Variants in NPHP4 observed in about 807,000 individuals in gnomAD.
The protein encoded by NPHP4 is nephrocystin 4.
Under a neutral mutation model 155.8 loss-of-function variants are expected in NPHP4, and 151 were observed. That is an observed-to-expected ratio of 0.97 (90% CI 0.85 to 1.11). The LOEUF (loss-of-function observed/expected upper bound fraction) is 1.11. NPHP4 is among the 50% of genes least tolerant of loss of function. NPHP4 has a pLI of 0.00. For synonymous variants in NPHP4, 845 were observed against 816.8 expected, an observed-to-expected ratio of 1.03 and a Z score of -0.59; for missense variants, 1,956 against 1,925.7, an observed-to-expected ratio of 1.02 and a Z score of -0.29.
intron 27 of NPHP4, chr1:5,864,737 C>T (rs1056940576): frequency 1.8e-5 from 10 of 544,608 alleles, no homozygotes; most frequent in South Asian, 2.9e-5. Context: ...ATTCCCTAAG[C>T]GCTGCCTCCG....
chr1:5,978,211 CCACCCGCACACA>C, intron 3 of NPHP4, 47 bp downstream of exon 3: 1 of 1,532,284 alleles, frequency 6.5e-7, no homozygotes, highest in Non-Finnish European at 8.9e-7. Context: ...CCACCCAGGA[CCACCCGCACACA>C]CACCCTCCGC....
rs146622282 is a variant in NPHP4 at position 5,874,247 on chromosome 1, A to G, written c.3231+224T>C. Among the ~76,000 whole-genome samples the G allele has an allele frequency of 1.9e-3, 293 of 151,342 alleles. 7 individuals are homozygous for G. Among genetic ancestry groups the G allele is most frequent in the African/African-American group, 6.2e-3 (257 of 41,190 alleles). ...ACTTAGTAAAGAAAATTAGGAGGAGATGGTCCAGCTCGACACCCATCAGGC... is the reference window on the plus strand; with the variant it reads ...ACTTAGTAAAGAAAATTAGGAGGAGGTGGTCCAGCTCGACACCCATCAGGC... On this transcript the variant is annotated intron_variant, in intron 22 of 29. Transcript: ENST00000378156.
intron 3 of NPHP4, among the ~76,000 whole-genome samples, chr1:5,977,939 G>A (rs1196905283): frequency 7.3e-6 from 1 of 137,588 alleles, no homozygotes; most frequent in Non-Finnish European, 1.6e-5. Context: ...GAGCAGTAGT[G>A]GCAGCAGCCA....
intron 19 of NPHP4, among the ~76,000 whole-genome samples, chr1:5,877,633 G>T (rs1207624688): frequency 2.0e-5 from 3 of 152,212 alleles, no homozygotes; most frequent in Non-Finnish European, 4.4e-5. Flanking sequence ...GATCTTAAAG[G>T]GCCCACTAAT....
At chr1:5,964,931 A>ATTTTTTTTTTTTTTTTT (rs1188241159) in intron 5 of NPHP4, among the ~76,000 whole-genome samples, 1 of 23,900 alleles carries the variant, frequency 4.2e-5, no homozygotes, top group Non-Finnish European at 7.0e-5. Flanking sequence ...ATATATATAT[A>ATTTTTTTTTTTTTTTTT]TATATATATA....
chr1:5,927,370 C>A (rs2101665110), intron 11 of NPHP4, among the ~76,000 whole-genome samples: 1 of 152,326 alleles, frequency 6.6e-6, no homozygotes, highest in Admixed American at 6.5e-5. Flanking sequence ...TGCAGGGCAT[C>A]CATGTGACGT....
chr1:5,867,363 G>A lies in NPHP4; in HGVS notation c.3473-248C>T. 1 of 547,776 alleles carries A rather than the reference G, an allele frequency of 1.8e-6. No individual in the cohort carries two copies. Among genetic ancestry groups the A allele is most frequent in the Non-Finnish European group, 3.2e-6 (1 of 309,476 alleles). The allele number at this position is 547,776 out of a possible 1,614,324, so 33.9% of individuals were successfully genotyped here. A position where few individuals can be genotyped will look rare whatever the true frequency, so the allele number is the denominator to read the frequency against. ...CATCTCCACAGGGAATAATCGAGGG[G>A]GCCACAAAAAAGAAAACACAGCTCC... is the stretch of plus-strand genomic sequence containing the variant. On this transcript the variant is annotated intron_variant, in intron 24 of 29. Transcript: ENST00000378156. The surrounding 1 kb of genome is among the most constrained non-coding windows in gnomAD (Gnocchi z 4.1).
chr1:5,887,169 C>G (rs1643868810), intron 18 of NPHP4, 117 bp downstream of exon 18: 11 of 983,642 alleles, frequency 1.1e-5, no homozygotes, highest in Non-Finnish European at 6.0e-6. Flanking sequence ...GAGAATTCTC[C>G]CGGTTTCCTC....
At chr1:5,967,762 GT>G (rs762271633) in intron 4 of NPHP4, among the ~76,000 whole-genome samples, 1 of 151,742 alleles carries the variant, frequency 6.6e-6, no homozygotes, top group African/African-American at 2.4e-5. Flanking sequence ...ATTTTTTTTC[GT>G]TTGTCACAAC....
intron 23 of NPHP4, among the ~76,000 whole-genome samples, chr1:5,873,021 C>A (rs747470287): frequency 7.9e-5 from 12 of 152,198 alleles, no homozygotes; most frequent in Non-Finnish European, 1.3e-4. Flanking sequence ...TGTGAGAAGG[C>A]GGCCACCAAG....
chr1:5,983,195 T>C (rs1252940062), intron 2 of NPHP4, among the ~76,000 whole-genome samples: 1 of 152,246 alleles, frequency 6.6e-6, no homozygotes, highest in East Asian at 1.9e-4. Context: ...TCTCCAACCA[T>C]GATTATGAAT....
chr1:5,963,642 G>A (rs1570662811), intron 5 of NPHP4, among the ~76,000 whole-genome samples: 1 of 151,776 alleles, frequency 6.6e-6, no homozygotes, highest in East Asian at 1.9e-4. Context: ...ACATGCTCAG[G>A]GGAAGGGCGG....
intron 5 of NPHP4, 83 bp from the exon 6 acceptor site, chr1:5,962,032 T>C (rs1650433755): frequency 9.4e-7 from 1 of 1,069,224 alleles, no homozygotes; most frequent in Admixed American, 2.2e-5. Flanking sequence ...ACAGAGAATG[T>C]TAGAAACACC....
chr1:5,972,328 T>C (rs115874661), intron 3 of NPHP4, among the ~76,000 whole-genome samples: 2,446 of 148,122 alleles, frequency 0.017, 35 homozygotes, highest in Non-Finnish European at 0.02. Context: ...TCCCAGACAC[T>C]ACCCCTCAAA....
At chr1:5,915,788 C>T (rs893365006) in intron 11 of NPHP4, among the ~76,000 whole-genome samples, 2 of 152,188 alleles carry the variant, frequency 1.3e-5, no homozygotes, top group Non-Finnish European at 2.9e-5. Flanking sequence ...ACTAATTCTC[C>T]AGCAAAATGC....
At position 5,863,357 on chromosome 1, in the gene NPHP4, G is replaced by A; in HGVS notation, c.4189C>T (p.Gln1397Ter). ...AGGATCTCCTCCTCACCCACTCTCTGACTAGGCGCAAACTGCAAGCCGATG... is the reference window on the plus strand; with the variant it reads ...AGGATCTCCTCCTCACCCACTCTCTAACTAGGCGCAAACTGCAAGCCGATG... ...YTIGLQFAPSQRVGEEEILIY... is the reference protein window; with the variant it reads ...YTIGLQFAPS The change falls in exon 30 of 30, where the codon CAG (glutamine) becomes TAG (stop). Residue 1397 changes from glutamine (Q) to a stop codon, truncating the protein, a stop_gained. Transcript: ENST00000378156. LOFTEE classifies it high-confidence loss of function. 3 of 1,613,958 alleles carry A rather than the reference G, an allele frequency of 1.9e-6. No individual in the cohort carries two copies. Among genetic ancestry groups the A allele is most frequent in the Non-Finnish European group, 2.5e-6 (3 of 1,179,860 alleles).
Position 5,907,705 on chromosome 1 carries a change from C to CAT in NPHP4, c.1504-484_1504-483insAT, listed in dbSNP as rs1570376408. Among the ~76,000 whole-genome samples, 20 of 85,490 alleles carry CAT rather than the reference C, an allele frequency of 2.3e-4. No individual in the cohort carries two copies. In the South Asian group the frequency reaches 4.6e-3, roughly 20 times the overall value. 56.1% of individuals were successfully genotyped at this position (85,490 alleles called of 152,430 possible). ...AGTGCCCGTGCCAACGTGGCATTAC[C>CAT]GTGGAGTGCCCGCACCAATGTGGCA... On this transcript the variant is annotated intron_variant, in intron 12 of 29. Transcript: ENST00000378156.
chr1:5,964,941 A>ATATATATATATATATATATTTTTTTTTT, intron 5 of NPHP4, among the ~76,000 whole-genome samples: 1 of 59,414 alleles, frequency 1.7e-5, no homozygotes, highest in Non-Finnish European at 2.9e-5. Context: ...ATATATATAT[A>ATATATATATATATATATATTTTTTTTTT]TTTTTTTTTT....
intron 23 of NPHP4, among the ~76,000 whole-genome samples, chr1:5,872,008 T>C (rs1438011572): frequency 9.4e-6 from 1 of 106,378 alleles, no homozygotes; most frequent in Non-Finnish European, 2.3e-5. Flanking sequence ...GACGTAAAGA[T>C]TATTTTAAGG....
Sources: allele counts gnomAD v4.1 joint callset (sites outside exome capture counted in the v4.1 genomes callset), GRCh38; gene constraint gnomAD v4.1.1; non-coding constraint Gnocchi (gnomAD v3.1); transcripts MANE v1.5; gene names NCBI Gene and HGNC (gene_info 2026-07-23, HGNC 2026-07-21).